Variants in DAAM2 observed in about 807,000 individuals in gnomAD.
DAAM2 encodes dishevelled associated activator of morphogenesis 2.
In DAAM2, 39 loss-of-function variants were observed where a neutral mutation model predicts 120.7. That is an observed-to-expected ratio of 0.32 (90% confidence interval 0.25 to 0.42). DAAM2 has a LOEUF of 0.42. Ranked by LOEUF, DAAM2 falls within the 10% of genes least tolerant of loss-of-function variation. The pLI is 1.00. For missense variants in DAAM2, 1,283 were observed against 1,401.7 expected (o/e 0.92, Z 1.35); for synonymous variants, 488 against 524.9 (o/e 0.93, Z 0.96).
chr6:39,868,592 G>C, intron 6 of DAAM2: 2 of 545,640 alleles, frequency 3.7e-6, no homozygotes, highest in Non-Finnish European at 6.6e-6. Flanking sequence ...AAGCCCCAAA[G>C]GCTGAGTGGA....
intron 1 of DAAM2, among the ~76,000 whole-genome samples, chr6:39,831,470 A>T (rs916716484): frequency 1.3e-5 from 2 of 152,018 alleles, no homozygotes; most frequent in African/African-American, 4.8e-5. Context: ...TACTATTATT[A>T]TTCTCATTTT....
chr6:39,847,383 T>C (rs755631252), intron 1 of DAAM2, among the ~76,000 whole-genome samples: 54 of 152,074 alleles, frequency 3.6e-4, no homozygotes, highest in Non-Finnish European at 6.8e-4. Context: ...CGCCTTTCAG[T>C]AACAGCAACC....
chr6:39,813,503 G>A (rs1027130232), intron 1 of DAAM2, among the ~76,000 whole-genome samples: 3 of 152,206 alleles, frequency 2.0e-5, no homozygotes, highest in African/African-American at 2.4e-5. Context: ...TGAGTGAGCA[G>A]AGTGTGTGTG....
chr6:39,885,249 C>T (rs1765324218), intron 15 of DAAM2: 1 of 152,266 alleles, frequency 6.6e-6, no homozygotes, highest in South Asian at 2.1e-4. Context: ...TGGGTGCCCA[C>T]AGCATCGGAT....
intron 1 of DAAM2, among the ~76,000 whole-genome samples, chr6:39,845,363 T>TA (rs1763538287): frequency 0.069 from 9 of 130 alleles, no homozygotes; most frequent in South Asian, 0.33. Flanking sequence ...ACATCACACA[T>TA]GCACAAACAT....
intron 21 of DAAM2, among the ~76,000 whole-genome samples, chr6:39,898,556 T>C (rs2149376638): frequency 6.6e-6 from 1 of 152,332 alleles, no homozygotes. Context: ...CTTATAAGCA[T>C]TACCTGGTAG....
intron 1 of DAAM2, among the ~76,000 whole-genome samples, chr6:39,843,083 C>T (rs1028600304): frequency 6.6e-6 from 1 of 151,980 alleles, no homozygotes; most frequent in African/African-American, 2.4e-5. Flanking sequence ...TTTATCATAC[C>T]AATTTTTAAA....
chr6:39,815,090 T>C (rs565530958), intron 1 of DAAM2, among the ~76,000 whole-genome samples: 2 of 152,340 alleles, frequency 1.3e-5, no homozygotes. Flanking sequence ...GAAATGCACA[T>C]CCCTGGGCTC....
chr6:39,821,356 A>C (rs1762482039), intron 1 of DAAM2: 1 of 152,316 alleles, frequency 6.6e-6, no homozygotes, highest in Non-Finnish European at 1.5e-5. Context: ...CCCTGTCTGC[A>C]GCCCCCTGCT....
At chr6:39,792,749 T>C (rs560561427) in intron 1 of DAAM2, among the ~76,000 whole-genome samples, 3 of 152,348 alleles carry the variant, frequency 2.0e-5, no homozygotes, top group Admixed American at 2.0e-4. Context: ...GAAATGTCTT[T>C]GGAAAACTTT....
intron 3 of DAAM2, chr6:39,862,953 C>T (rs1024856741): frequency 1.3e-5 from 2 of 152,210 alleles, no homozygotes; most frequent in African/African-American, 4.8e-5. Flanking sequence ...ATAACACCCT[C>T]CCCACCTGTC....
intron 1 of DAAM2, among the ~76,000 whole-genome samples, chr6:39,800,975 A>G (rs1761846760): frequency 6.6e-6 from 1 of 152,124 alleles, no homozygotes. Context: ...CTACTTTGCC[A>G]TTTAATAACT....
intron 1 of DAAM2, among the ~76,000 whole-genome samples, chr6:39,853,461 TCTC>T (rs1763887890): frequency 6.6e-6 from 1 of 152,112 alleles, no homozygotes; most frequent in African/African-American, 2.4e-5. Context: ...TGTGTCTACT[TCTC>T]CTCTCCTGAG....
chr6:39,827,292 G>A (rs1004494782), intron 1 of DAAM2, among the ~76,000 whole-genome samples: 5 of 152,134 alleles, frequency 3.3e-5, no homozygotes, highest in African/African-American at 1.2e-4. Context: ...GTCTTTAAAT[G>A]GTAGTACCTT....
intron 2 of DAAM2, among the ~76,000 whole-genome samples, chr6:39,860,231 C>T (rs1319759833): frequency 1.3e-5 from 2 of 152,228 alleles, no homozygotes; most frequent in Admixed American, 1.3e-4. Context: ...AAAGTTTGGA[C>T]TAGCCTGATG....
rs900252713 is a variant in DAAM2, at chr6:39,851,992, G to A, written c.-56-4255G>A. The stretch of plus-strand genomic sequence containing the variant: ...AGCCACGAGAAGCGTTGCTTAACTG[G>A]CTGTGACCTATGGTTTGGTGTCTTA... On this transcript the variant is annotated intron_variant, in intron 1 of 24. Transcript: ENST00000274867. Among the ~76,000 whole-genome samples, 10 of 152,212 alleles carry A rather than the reference G, an allele frequency of 6.6e-5. No homozygotes were observed. The East Asian group carries it at 1.3e-3, about 21-fold the overall frequency.
intron 1 of DAAM2, among the ~76,000 whole-genome samples, chr6:39,794,810 A>AT (rs1761652597): frequency 6.6e-6 from 1 of 152,190 alleles, no homozygotes; most frequent in South Asian, 2.1e-4. Flanking sequence ...TTCTTATTTG[A>AT]TTTTACTAGA....
At chr6:39,892,161 C>A (rs887478294) in intron 19 of DAAM2, among the ~76,000 whole-genome samples, 2 of 152,206 alleles carry the variant, frequency 1.3e-5, no homozygotes, top group African/African-American at 4.8e-5. Flanking sequence ...ATTGCACAAG[C>A]TGATTTCTAA....
chr6:39,863,291 A>C (rs1562034814), intron 3 of DAAM2, among the ~76,000 whole-genome samples: 1 of 152,082 alleles, frequency 6.6e-6, no homozygotes, highest in African/African-American at 2.4e-5. Flanking sequence ...TCCCCTCCCC[A>C]AGGCAGAAGG....
Sources: gnomAD v4.1 joint callset for allele counts (sites outside exome capture counted in the v4.1 genomes callset) on GRCh38, gnomAD v4.1.1 for gene constraint, MANE v1.5 for transcripts, NCBI Gene and HGNC (gene_info 2026-07-23, HGNC 2026-07-21) for gene names.